Variants in GPHN observed in about 807,000 individuals in gnomAD.
GPHN encodes the protein gephyrin.
A neutral mutation model predicts 95.5 loss-of-function variants in GPHN; 17 were observed. The observed-to-expected ratio is 0.18, with a 90% CI of 0.12 to 0.27. The LOEUF (loss-of-function observed/expected upper bound fraction) is 0.27. Among genes scored for constraint, GPHN ranks in the 10% least tolerant of loss-of-function variants. The pLI, the probability that GPHN is intolerant of heterozygous loss-of-function variation, is 1.00. For missense variants in GPHN, 660 were observed against 978.1 expected (o/e 0.67, Z 4.34); for synonymous variants, 320 against 322.5 (o/e 0.99, Z 0.08).
At chr14:67,070,715 A>AATATAT (rs1555482658) in intron 11 of GPHN, among the ~76,000 whole-genome samples, 7 of 80,698 alleles carry the variant, frequency 8.7e-5, no homozygotes, top group South Asian at 8.5e-4. Context: ...AAAAAAAAAA[A>AATATAT]ATATATATAT....
chr14:67,712,112 G>T, the GPHN span, among the ~76,000 whole-genome samples: 1 of 152,008 alleles, frequency 6.6e-6, no homozygotes. Flanking sequence ...TAGAGACACG[G>T]TTTCACCATG....
the GPHN span, chr14:67,593,644 A>C: frequency 1.7e-3 from 1,158 of 675,914 alleles, 11 homozygotes; most frequent in African/African-American, 0.019. Flanking sequence ...TTTTAAATAT[A>C]AGTCTCACTT....
At chr14:67,645,497 C>T in the GPHN span, 1 of 794,754 alleles carries the variant, frequency 1.3e-6, no homozygotes, top group African/African-American at 1.8e-5. Flanking sequence ...ACTACAACTA[C>T]AGGTCTTGCC....
the GPHN span, among the ~76,000 whole-genome samples, chr14:67,619,451 T>TC: frequency 6.6e-6 from 1 of 152,256 alleles, no homozygotes; most frequent in Non-Finnish European, 1.5e-5. Context: ...TAAGAGTGTT[T>TC]CCTGGGCTTT....
the GPHN span, among the ~76,000 whole-genome samples, chr14:67,457,697 T>A: frequency 6.6e-6 from 1 of 152,226 alleles, no homozygotes; most frequent in Non-Finnish European, 1.5e-5. Context: ...TATAGGACTT[T>A]ATTACAAAAG....
chr14:67,710,921 T>G, the GPHN span, among the ~76,000 whole-genome samples: 1 of 152,328 alleles, frequency 6.6e-6, no homozygotes, highest in South Asian at 2.1e-4. Context: ...ATGAAAACTG[T>G]GATAGTCATC....
chr14:67,303,375 A>G, the GPHN span: 1 of 626,936 alleles, frequency 1.6e-6, no homozygotes, highest in South Asian at 1.9e-5. Flanking sequence ...AGCCCCATTC[A>G]TTGCTTTGGT....
At chr14:66,840,622 G>A (rs768661608) in intron 4 of GPHN, among the ~76,000 whole-genome samples, 9 of 148,708 alleles carry the variant, frequency 6.1e-5, no homozygotes, top group Non-Finnish European at 1.2e-4. Context: ...ACTTTATTAC[G>A]GCCACTGAAT....
intron 19 of GPHN, 90 bp from the exon 20 acceptor site, chr14:67,165,072 A>G (rs1435104742): frequency 2.3e-6 from 2 of 865,030 alleles, no homozygotes; most frequent in East Asian, 4.8e-5. Context: ...TTTATATGAT[A>G]AGTGTATGGA....
chr14:67,632,914 G>A, the GPHN span, among the ~76,000 whole-genome samples: 6 of 141,972 alleles, frequency 4.2e-5, no homozygotes, highest in Non-Finnish European at 6.0e-5. Flanking sequence ...TCCGCCTCCC[G>A]GGTTCACACC....
At chr14:67,329,879 T>C in the GPHN span, among the ~76,000 whole-genome samples, 1 of 98,788 alleles carries the variant, frequency 1.0e-5, no homozygotes, top group Non-Finnish European at 1.7e-5. Flanking sequence ...AATAAATAAA[T>C]AGATATAGAA....
downstream of GPHN, among the ~76,000 whole-genome samples, chr14:67,182,111 T>C (rs2083334469): frequency 6.6e-6 from 1 of 152,160 alleles, no homozygotes. Context: ...AAATAATTCT[T>C]ATTTTAGACG....
At chr14:66,630,990 C>A (rs959676079) in intron 1 of GPHN, among the ~76,000 whole-genome samples, 2 of 151,880 alleles carry the variant, frequency 1.3e-5, no homozygotes, top group African/African-American at 4.8e-5. Flanking sequence ...GGATTATTGT[C>A]CCATGCCCAT....
At chr14:66,788,287 C>A (rs2059852571) in intron 3 of GPHN, among the ~76,000 whole-genome samples, 1 of 152,212 alleles carries the variant, frequency 6.6e-6, no homozygotes, top group African/African-American at 2.4e-5. Context: ...CCAGTCTGGG[C>A]AACAGAACGA....
chr14:67,179,395 A>G (rs1009043298), intron 21 of GPHN, among the ~76,000 whole-genome samples, 183 bp from the exon 22 acceptor site: 1 of 152,142 alleles, frequency 6.6e-6, no homozygotes, highest in African/African-American at 2.4e-5. Flanking sequence ...CAAAAGAAAA[A>G]ATACATTTTT....
chr14:66,508,236 G>T lies in GPHN; in HGVS notation c.-292G>T, dbSNP rs1457911655. On this transcript the variant is annotated 5_prime_UTR_variant, in exon 1 of 23. Transcript: ENST00000478722. ...TCTCCGGCCTCGTTCTGCCGCCTCC[G>T]CGCGCTCTCCCCGTGCGGCCACCGC... 3.7e-6 allele frequency: 2 copies of T among 544,346 alleles called. No homozygotes were observed. Among genetic ancestry groups the T allele is most frequent in the Non-Finnish European group, 6.6e-6 (2 of 302,240 alleles). The allele number at this position is 544,346 out of a possible 1,614,324, so 33.7% of individuals were successfully genotyped here.
At chr14:67,444,399 G>C in the GPHN span, among the ~76,000 whole-genome samples, 1 of 152,308 alleles carries the variant, frequency 6.6e-6, no homozygotes, top group Non-Finnish European at 1.5e-5. Context: ...GTGTGATGAA[G>C]TATGCATTCA....
chr14:66,871,231 ATGT>A (rs761080123), intron 4 of GPHN, among the ~76,000 whole-genome samples: 27 of 152,294 alleles, frequency 1.8e-4, no homozygotes, highest in Non-Finnish European at 3.2e-4. Flanking sequence ...AAATGGATAA[ATGT>A]TGTGCTTTGA....
At chr14:66,913,350 T>C (rs1160820078) in intron 5 of GPHN, among the ~76,000 whole-genome samples, 1 of 152,162 alleles carries the variant, frequency 6.6e-6, no homozygotes, top group Non-Finnish European at 1.5e-5. Flanking sequence ...TGTTTTGTTT[T>C]GTTTTTTTGA....
Sources: gnomAD v4.1 joint callset for allele counts (sites outside exome capture counted in the v4.1 genomes callset) on GRCh38, gnomAD v4.1.1 for gene constraint, MANE v1.5 for transcripts, NCBI Gene and HGNC (gene_info 2026-07-23, HGNC 2026-07-21) for gene names.